NPLOC4: variants seen among roughly 807,000 people sequenced by gnomAD.
The protein encoded by NPLOC4 is nuclear protein localization protein 4 homolog.
In NPLOC4, 18 loss-of-function variants were observed where a neutral mutation model predicts 80.6. The observed-to-expected ratio is 0.22, with a 90% confidence interval of 0.15 to 0.33. The LOEUF (loss-of-function observed/expected upper bound fraction) is 0.33, where lower values mean the gene tolerates loss of function less well. Among genes scored for constraint, NPLOC4 ranks in the 10% least tolerant of loss-of-function variants. NPLOC4 has a pLI of 1.00. For synonymous variants in NPLOC4, 313 were observed against 301.5 expected (o/e 1.04, Z -0.39); for missense variants, 540 against 786.1 (o/e 0.69, Z 3.74).
At chr17:81,629,982 T>C (rs1598694454) in intron 1 of NPLOC4, 177 bp from the exon 2 acceptor site, 2 of 563,068 alleles carry the variant, frequency 3.6e-6, no homozygotes, top group East Asian at 3.0e-5. Flanking sequence ...AGGGGTGAGA[T>C]TCATCAACAT....
chr17:81,608,031 T>C lies in NPLOC4; in HGVS notation c.530+697A>G, dbSNP rs566730869. ...AGGTCATACAGGCAAGGGCTTGCCA[T>C]GGCTTAAAAGAAATCAAAATGCTCA... is the stretch of plus-strand genomic sequence containing the variant. On this transcript the variant is annotated intron_variant, in intron 6 of 16. Coordinates refer to ENST00000331134, the MANE Select transcript of NPLOC4 (RefSeq NM_017921.4). Among the ~76,000 whole-genome samples, 6 of 152,326 alleles carry C rather than the reference T, an allele frequency of 3.9e-5. No homozygotes were observed. The South Asian group carries it at 1.2e-3, about 32-fold the overall frequency.
intron 1 of NPLOC4, among the ~76,000 whole-genome samples, chr17:81,630,530 T>G (rs1030483268): frequency 1.3e-5 from 2 of 152,052 alleles, no homozygotes; most frequent in Admixed American, 6.6e-5. Context: ...ATCCTGCCAC[T>G]GTGCTGGGAT....
At chr17:81,616,595 T>C (rs2035498681) in intron 3 of NPLOC4, among the ~76,000 whole-genome samples, 1 of 151,540 alleles carries the variant, frequency 6.6e-6, no homozygotes, top group South Asian at 2.1e-4. Flanking sequence ...CCGGGCATGG[T>C]GGCAGGTGCC....
rs527561599 is a variant in NPLOC4 at position 81,610,901 on chromosome 17, G to A, written c.387-643C>T. 1.8e-4 allele frequency among the ~76,000 whole-genome samples: 6 copies of A among 34,228 alleles called. 2 individuals are homozygous for A. Among genetic ancestry groups the A allele is most frequent in the East Asian group, 1.3e-3 (4 of 3,056 alleles). The allele number at this position is 34,228 out of a possible 152,430, so 22.5% of individuals were successfully genotyped here. A position where few individuals can be genotyped will look rare whatever the true frequency, so the allele number is the denominator to read the frequency against. ...CGGGAAGCGGAGCTTGCAGTGAGCC[G>A]AGATTGCGCCACTGCAGTCCGCAGT... On this transcript the variant is annotated intron_variant, in intron 4 of 16. Transcript: ENST00000331134.
At chr17:81,607,212 T>C (rs1396978796) in intron 6 of NPLOC4, among the ~76,000 whole-genome samples, 3 of 152,220 alleles carry the variant, frequency 2.0e-5, no homozygotes, top group Non-Finnish European at 2.9e-5. Flanking sequence ...ATTAGCCCAG[T>C]ACTTAGATAT....
At chr17:81,618,836 G>A (rs1477057399) in intron 3 of NPLOC4, among the ~76,000 whole-genome samples, 2 of 152,178 alleles carry the variant, frequency 1.3e-5, no homozygotes, top group Non-Finnish European at 2.9e-5. Context: ...AGACATGGGA[G>A]ACTTTTCATT....
At chr17:81,625,945 T>C (rs2035784545) in intron 2 of NPLOC4, among the ~76,000 whole-genome samples, 1 of 151,756 alleles carries the variant, frequency 6.6e-6, no homozygotes, top group South Asian at 2.1e-4. Context: ...AGTCAGGAGT[T>C]TGAGACCAGC....
At position 81,565,609 on chromosome 17, in the gene NPLOC4, TACAAG is replaced by T; in HGVS notation, c.1567-7_1567-3del. 2 of 1,539,632 alleles carry T rather than the reference TACAAG, an allele frequency of 1.3e-6. No individual in the cohort carries two copies. Among genetic ancestry groups the T allele is most frequent in the Non-Finnish European group, 1.7e-6 (2 of 1,145,232 alleles). ...CTCCAGCAGCAAGCTGATGCTGTCC[TACAAG>T]AAGCCAAAAGGAAGGTTCCTCTTCG... On this transcript the variant is annotated splice_polypyrimidine_tract_variant and splice_region_variant and intron_variant, in intron 15 of 16. Coordinates refer to ENST00000331134, the MANE Select transcript of NPLOC4 (RefSeq NM_017921.4).
intron 3 of NPLOC4, among the ~76,000 whole-genome samples, chr17:81,614,586 AAGCTACTGACG>A (rs1382003007): frequency 1.0e-3 from 36 of 34,352 alleles, no homozygotes; most frequent in Non-Finnish European, 1.5e-3. Flanking sequence ...CTTGTCTCTG[AAGCTACTGACG>A]TACTGCTTTC....
At position 81,637,030 on chromosome 17, in the gene NPLOC4, C is replaced by T. The variant is rs995888048; in HGVS notation, c.-100G>A. The T allele has an allele frequency of 1.1e-5, 8 of 716,968 alleles. No individual in the cohort carries two copies. Among genetic ancestry groups the T allele is most frequent in the African/African-American group, 1.9e-5 (1 of 53,450 alleles). The allele number at this position is 716,968 out of a possible 1,614,324, so 44.4% of individuals were successfully genotyped here. ...CCGCGGCCTCAGCCCCGGCCCCGGC[C>T]TCCCTACGCCGCCGCCACCGCCGCT... On this transcript the variant is annotated 5_prime_UTR_variant, in exon 1 of 17. Coordinates refer to ENST00000331134, the MANE Select transcript of NPLOC4 (RefSeq NM_017921.4).
chr17:81,587,307 CTTTAT>C (rs1369900538), intron 12 of NPLOC4, among the ~76,000 whole-genome samples: 1 of 152,088 alleles, frequency 6.6e-6, no homozygotes, highest in African/African-American at 2.4e-5. Flanking sequence ...CACCCTGTCT[CTTTAT>C]TTTTTTATTT....
chr17:81,584,629 A>C (rs1301756030), intron 12 of NPLOC4, among the ~76,000 whole-genome samples: 1 of 152,256 alleles, frequency 6.6e-6, no homozygotes, highest in African/African-American at 2.4e-5. Context: ...GATGATGGAA[A>C]GGATAATACG....
Position 81,557,925 on chromosome 17 carries a change from G to C in NPLOC4, c.*1334C>G, listed in dbSNP as rs1329235641. The stretch of plus-strand genomic sequence containing the variant: ...AACAGGCAAATGTTCTCTGTTCATA[G>C]TGCCAAGAATGTGGGTCACGTGGGC... On this transcript the variant is annotated 3_prime_UTR_variant, in exon 17 of 17. Coordinates refer to ENST00000331134, the MANE Select transcript of NPLOC4 (RefSeq NM_017921.4). 1 of 152,578 alleles carries C rather than the reference G, an allele frequency of 6.6e-6. No homozygotes were observed. The highest frequency in any genetic ancestry group is 1.5e-5 in the Non-Finnish European group (1 of 68,272). 9.5% of individuals were successfully genotyped at this position (152,578 alleles called of 1,614,324 possible).
At chr17:81,581,968 T>A (rs572189614) in intron 12 of NPLOC4, among the ~76,000 whole-genome samples, 1 of 152,300 alleles carries the variant, frequency 6.6e-6, no homozygotes, top group African/African-American at 2.4e-5. Context: ...TGGGACGTGC[T>A]GACAGCAGAG....
At chr17:81,636,117 G>A (rs1169877770) in intron 1 of NPLOC4, among the ~76,000 whole-genome samples, 1 of 151,890 alleles carries the variant, frequency 6.6e-6, no homozygotes, top group African/African-American at 2.4e-5. Flanking sequence ...GGATTACAGT[G>A]CGCCATGACG....
intron 15 of NPLOC4, among the ~76,000 whole-genome samples, chr17:81,565,961 C>T (rs557743679): frequency 6.6e-6 from 1 of 152,326 alleles, no homozygotes; most frequent in East Asian, 1.9e-4. Context: ...CCTCACATTT[C>T]ATCCCTCTGC....
chr17:81,630,788 G>T (rs2144335533), intron 1 of NPLOC4, among the ~76,000 whole-genome samples: 1 of 152,226 alleles, frequency 6.6e-6, no homozygotes, highest in South Asian at 2.1e-4. Flanking sequence ...GAGGCACGAG[G>T]ATCACTTAAA....
In NPLOC4 at chr17:81,606,688, C is replaced by T. The variant is rs1301717377; in HGVS notation, c.654+3G>A. On this transcript the variant is annotated splice_donor_region_variant and intron_variant, in intron 7 of 16. Transcript: ENST00000331134. Reference sequence around the variant, plus strand: ...AAATCTAGACAGACAGGGAACATCTCACCTGTCTGTTCAGCGTGATGGCGC... The same window carrying T: ...AAATCTAGACAGACAGGGAACATCTTACCTGTCTGTTCAGCGTGATGGCGC... 2 of 1,611,382 alleles carry T rather than the reference C, an allele frequency of 1.2e-6. No individual in the cohort carries two copies. Among genetic ancestry groups the T allele is most frequent in the East Asian group, 2.2e-5 (1 of 44,844 alleles).
rs1253885919 is a variant in NPLOC4 at position 81,559,037 on chromosome 17, C to G, written c.*222G>C. 1.8e-6 allele frequency: 1 copy of G among 556,944 alleles called. No homozygotes were observed. The highest frequency in any genetic ancestry group is 3.2e-6 in the Non-Finnish European group (1 of 315,114). The allele number at this position is 556,944 out of a possible 1,614,324, so 34.5% of individuals were successfully genotyped here. ...TGAGGAGCCGCTCTGCGTTTCCAGT[C>G]TGGAGACTGCATTCAGCCTGCAGAA... is the stretch of plus-strand genomic sequence containing the variant. On this transcript the variant is annotated 3_prime_UTR_variant, in exon 17 of 17. Transcript: ENST00000331134.
Sources: allele counts gnomAD v4.1 joint callset (sites outside exome capture counted in the v4.1 genomes callset), GRCh38; gene constraint gnomAD v4.1.1; transcripts MANE v1.5; gene names NCBI Gene and HGNC (gene_info 2026-07-23, HGNC 2026-07-21).